The following KLHDC4 variants were observed in gnomAD, a reference collection of about 807,000 sequenced individuals.
KLHDC4 encodes kelch domain containing 4.
KLHDC4 carries 90 observed loss-of-function variants against 62.4 expected under a neutral mutation model. The ratio of observed to expected loss-of-function variants is 1.44; its 90% CI spans 1.22 to 1.72. The LOEUF (loss-of-function observed/expected upper bound fraction) is 1.72. KLHDC4 is among the 40% of genes most tolerant of loss of function. The probability of loss-of-function intolerance (pLI) is 0.00; values close to 1 mark genes in which losing one functional copy is unlikely to be tolerated. For synonymous variants in KLHDC4, 386 were observed against 284.4 expected (o/e 1.36, Z -3.59); for missense variants, 1,025 against 699.7 (o/e 1.47, Z -5.25).
rs770559339 is a variant in KLHDC4 at position 87,738,482 on chromosome 16, G to A, written c.507-7838C>T. Reference sequence around the variant, plus strand: ...GTGAACTTTCACAGCAACACTGCAAGAGCAGAAAAGTGGAAACAACCCAAG... The same window carrying A: ...GTGAACTTTCACAGCAACACTGCAAAAGCAGAAAAGTGGAAACAACCCAAG... On this transcript the variant is annotated intron_variant, in intron 5 of 11. Coordinates refer to ENST00000270583, the MANE Select transcript of KLHDC4 (RefSeq NM_017566.4). Among the ~76,000 whole-genome samples the A allele has an allele frequency of 4.6e-5, 7 of 152,106 alleles. No homozygotes were observed. In the East Asian group the frequency reaches 1.3e-3, roughly 29 times the overall value.
intron 5 of KLHDC4, among the ~76,000 whole-genome samples, chr16:87,740,427 C>A (rs897048092): frequency 1.1e-4 from 16 of 152,164 alleles, no homozygotes; most frequent in Admixed American, 4.6e-4. Flanking sequence ...CCAGGAGCAG[C>A]CGCCTCCCCT....
At chr16:87,702,110 G>C (rs945522174) in exon 1 of KLHDC4, 2 of 456,264 alleles carry the variant, frequency 4.4e-6, no homozygotes, top group South Asian at 3.1e-5. Flanking sequence ...TCGGGTCCCA[G>C]AGCTTCCCGC....
chr16:87,756,460 G>C lies in KLHDC4; in HGVS notation c.209C>G (p.Ser70Trp). The C allele has an allele frequency of 6.2e-7, 1 of 1,613,716 alleles. No homozygotes were observed. The highest frequency in any genetic ancestry group is 8.5e-7 in the Non-Finnish European group (1 of 1,179,718). ...TAACTCATCTTTCTCAGGATGAACC[G>C]AGAGGGAGGCATTTAACCTACAAGA... The part of the protein sequence containing the change: ...PPSPRLNASL[S>W]VHPEKDELIL... Residue 70 changes from serine (S) to tryptophan (W), a missense_variant, in exon 3 of 12, where the codon TCG (serine) becomes TGG (tryptophan). Coordinates refer to ENST00000270583, the MANE Select transcript of KLHDC4 (RefSeq NM_017566.4).
At position 87,736,379 on chromosome 16, in the gene KLHDC4, C is replaced by T. The variant is rs116746061; in HGVS notation, c.507-5735G>A. Among the ~76,000 whole-genome samples, 123 of 152,324 alleles carry T rather than the reference C, an allele frequency of 8.1e-4. 1 individual carries two copies. Among genetic ancestry groups the T allele is most frequent in the African/African-American group, 2.7e-3 (112 of 41,572 alleles). ...ATCGTGAGGCAGCCCGACAGCAGGA[C>T]CACTGCTGCACCGGCGGCCTAGAGA... On this transcript the variant is annotated intron_variant, in intron 5 of 11. Coordinates refer to ENST00000270583, the MANE Select transcript of KLHDC4 (RefSeq NM_017566.4).
At chr16:87,752,243 C>CA (rs2044116037) in intron 4 of KLHDC4, among the ~76,000 whole-genome samples, 1 of 129,982 alleles carries the variant, frequency 7.7e-6, no homozygotes. Flanking sequence ...CCGTTCTCCA[C>CA]AAAAAAGAAA....
rs1000436211 is a variant in KLHDC4 at position 87,709,639 on chromosome 16, C to A, written c.1073G>T (p.Arg358Met). ...TTCGGGCTCCTCTTTTCTGCCCCGC[C>A]TGCGTTTCTTCTTTTCAGACTTGGG... The part of the protein sequence containing the change: ...KGPKSEKKKR[R>M]RGRKEEPEGG... The change falls in exon 10 of 12, where the codon AGG becomes ATG. Residue 358 changes from arginine (R) to methionine (M), a missense_variant. Transcript: ENST00000270583. 9 of 1,605,762 alleles carry A rather than the reference C, an allele frequency of 5.6e-6. No homozygotes were observed. The African/African-American group carries it at 1.2e-4, about 21-fold the overall frequency.
At chr16:87,752,250 GAA>G (rs1196987154) in intron 4 of KLHDC4, among the ~76,000 whole-genome samples, 2 of 95,588 alleles carry the variant, frequency 2.1e-5, no homozygotes, top group Non-Finnish European at 2.3e-5. Context: ...CCACAAAAAA[GAA>G]AAAAAAAAAA....
At chr16:87,712,699 G>A (rs1023764084) in intron 8 of KLHDC4, among the ~76,000 whole-genome samples, 16 of 152,264 alleles carry the variant, frequency 1.1e-4, no homozygotes, top group African/African-American at 3.4e-4. Flanking sequence ...GCAAATGGGT[G>A]TGGACTCAGA....
At chr16:87,736,845 C>A (rs1482183067) in intron 5 of KLHDC4, among the ~76,000 whole-genome samples, 1 of 152,108 alleles carries the variant, frequency 6.6e-6, no homozygotes, top group Non-Finnish European at 1.5e-5. Flanking sequence ...AGGAAATCGG[C>A]CGGGCGCGGT....
At chr16:87,700,946 G>C (rs115444322) in exon 1 of KLHDC4, 1 of 242,180 alleles carries the variant, frequency 4.1e-6, no homozygotes, top group Non-Finnish European at 8.3e-6. Context: ...CTTCTCTCGC[G>C]CCCAGGCCGC....
At chr16:87,702,292 G>T (rs773159164) in exon 1 of KLHDC4, 23 of 456,210 alleles carry the variant, frequency 5.0e-5, no homozygotes, top group Admixed American at 3.3e-4. Context: ...TGGCAAGGAG[G>T]GCCGGTCTGC....
In KLHDC4 at chr16:87,726,755, C is replaced by G. The variant is rs779313253; in HGVS notation, c.759+10G>C. 1.0e-5 allele frequency: 16 copies of G among 1,546,896 alleles called. No individual in the cohort carries two copies. Among genetic ancestry groups the G allele is most frequent in the Admixed American group, 4.1e-5 (2 of 48,718 alleles). ...CCACGCCTTGCCTGTTTCCCCACCC[C>G]CCGCCTTACCTGTTTCGAGTAGCCC... On this transcript the variant is annotated intron_variant, in intron 7 of 11. Transcript: ENST00000270583.
exon 1 of KLHDC4, chr16:87,700,775 C>A (rs1201673168): frequency 1.9e-5 from 2 of 105,780 alleles, no homozygotes; most frequent in South Asian, 1.2e-4. Context: ...GATTGGAGGG[C>A]GGAGGGAGGA....
intron 7 of KLHDC4, among the ~76,000 whole-genome samples, chr16:87,719,370 C>CCA (rs1269922884): frequency 6.6e-6 from 1 of 152,142 alleles, no homozygotes; most frequent in African/African-American, 2.4e-5. Context: ...AACCTTACCC[C>CCA]CAACCCTGTG....
Position 87,711,417 on chromosome 16 carries a change from G to T in KLHDC4, c.862C>A (p.Pro288Thr). 1 of 1,612,342 alleles carries T rather than the reference G, an allele frequency of 6.2e-7. No individual in the cohort carries two copies. Among genetic ancestry groups the T allele is most frequent in the Non-Finnish European group, 8.5e-7 (1 of 1,179,772 alleles). The change falls in exon 9 of 12, where the codon CCT (proline) becomes ACT (threonine). Residue 288 changes from proline to threonine, a missense_variant. Transcript: ENST00000270583. The part of the protein sequence containing the change: ...EDKWVWTRMN[P>T]SGVKPTPRSG... ...CGTGGGGTGGGCTTGACCCCCGAAG[G>T]GTTCATCCGAGTCCAAACCCACTTG... is the stretch of plus-strand genomic sequence containing the variant.
At chr16:87,742,058 G>C (rs1029022795) in intron 5 of KLHDC4, among the ~76,000 whole-genome samples, 2 of 152,072 alleles carry the variant, frequency 1.3e-5, no homozygotes, top group Non-Finnish European at 2.9e-5. Flanking sequence ...TCTTTGTTGT[G>C]GCTGAATCTC....
chr16:87,726,951 G>C (rs766519788), intron 6 of KLHDC4, 27 bp from the exon 7 acceptor site: 1 of 1,611,376 alleles, frequency 6.2e-7, no homozygotes, highest in East Asian at 2.2e-5. Context: ...CAGCTGTCAG[G>C]GTCCGTAACA....
At chr16:87,705,826 C>T (rs1173944635), downstream of KLHDC4, among the ~76,000 whole-genome samples, 2 of 152,182 alleles carry the variant, frequency 1.3e-5, no homozygotes, top group African/African-American at 4.8e-5. Context: ...GCTGCCTGCG[C>T]TCTGGCTTCT....
At chr16:87,748,594 T>C in intron 5 of KLHDC4, 79 bp downstream of exon 5, 1 of 1,566,706 alleles carries the variant, frequency 6.4e-7, no homozygotes. Flanking sequence ...TATTCTGAGG[T>C]CTGCTCCGAG....
Sources: allele counts gnomAD v4.1 joint callset (sites outside exome capture counted in the v4.1 genomes callset), GRCh38; gene constraint gnomAD v4.1.1; transcripts MANE v1.5; gene names NCBI Gene and HGNC (gene_info 2026-07-23, HGNC 2026-07-21).